The following LNPEP variants were observed in gnomAD, a reference collection of about 807,000 sequenced individuals.
LNPEP encodes the protein leucyl and cystinyl aminopeptidase.
LNPEP carries 64 observed loss-of-function variants against 120.6 expected under a neutral mutation model. The observed-to-expected ratio is 0.53, with a 90% CI of 0.43 to 0.65. LNPEP has a LOEUF of 0.65. LNPEP is among the 30% of genes least tolerant of loss of function. LNPEP has a pLI of 0.00. For missense variants in LNPEP, 1,057 were observed against 1,200.0 expected (o/e 0.88, Z 1.76); for synonymous variants, 435 against 425.4 (o/e 1.02, Z -0.28).
At chr5:97,013,358 G>T (rs962532154) in intron 11 of LNPEP, among the ~76,000 whole-genome samples, 2 of 152,010 alleles carry the variant, frequency 1.3e-5, no homozygotes, top group African/African-American at 4.8e-5. Flanking sequence ...TATTGTACTT[G>T]CCTGTTTACT....
intron 7 of LNPEP, among the ~76,000 whole-genome samples, chr5:96,997,406 A>T (rs957481265): frequency 2.6e-5 from 4 of 152,136 alleles, no homozygotes; most frequent in African/African-American, 9.6e-5. Flanking sequence ...TTCTAAATCC[A>T]TGTATACTAC....
chr5:96,953,270 A>G (rs1227029088), intron 1 of LNPEP, among the ~76,000 whole-genome samples: 4 of 152,252 alleles, frequency 2.6e-5, no homozygotes, highest in African/African-American at 7.2e-5. Context: ...TTTATGAAAG[A>G]GAGCTTGACC....
In LNPEP at chr5:96,951,263, G is replaced by T. The variant is rs112968338; in HGVS notation, c.19+15089G>T. Among the ~76,000 whole-genome samples, 754 of 100,608 alleles carry T rather than the reference G, an allele frequency of 7.5e-3. 10 individuals are homozygous for T. Among genetic ancestry groups the T allele is most frequent in the African/African-American group, 0.019 (704 of 36,252 alleles). The allele number at this position is 100,608 out of a possible 152,430, so 66.0% of individuals were successfully genotyped here. ...GGGTTAGTGCTTTTTTTCTTTTTTT[G>T]GCGGGGGGCGCGGGGGACAGAGTCT... On this transcript the variant is annotated intron_variant, in intron 1 of 17. Coordinates refer to ENST00000231368, the MANE Select transcript of LNPEP (RefSeq NM_005575.3).
Position 97,029,125 on chromosome 5 carries a change from G to A in LNPEP, c.*592G>A, listed in dbSNP as rs1349251824. ...AGTTTAAATAATGTCTGTAACTATT[G>A]TGTTTTTTTCCTGCCGAATAGCCAG... On this transcript the variant is annotated 3_prime_UTR_variant, in exon 18 of 18. Coordinates refer to ENST00000231368, the MANE Select transcript of LNPEP (RefSeq NM_005575.3). The A allele has an allele frequency of 6.6e-6, 1 of 152,202 alleles. No homozygotes were observed. Among genetic ancestry groups the A allele is most frequent in the East Asian group, 1.9e-4 (1 of 5,330 alleles). 9.4% of individuals were successfully genotyped at this position (152,202 alleles called of 1,614,324 possible). A position where few individuals can be genotyped will look rare whatever the true frequency, so the allele number is the denominator to read the frequency against.
intron 1 of LNPEP, among the ~76,000 whole-genome samples, chr5:96,952,106 T>C (rs1347745369): frequency 2.0e-5 from 3 of 152,104 alleles, no homozygotes; most frequent in African/African-American, 7.2e-5. Context: ...ATTTATTTAA[T>C]AACAATAAAC....
intron 1 of LNPEP, among the ~76,000 whole-genome samples, chr5:96,945,789 G>T (rs1019308377): frequency 6.6e-6 from 1 of 152,148 alleles, no homozygotes; most frequent in Admixed American, 6.5e-5. Context: ...GGTCCATTCG[G>T]TCAGTTGAGG....
At chr5:96,984,376 C>T (rs1016254807) in intron 2 of LNPEP, among the ~76,000 whole-genome samples, 1 of 152,178 alleles carries the variant, frequency 6.6e-6, no homozygotes, top group African/African-American at 2.4e-5. Flanking sequence ...TCTTGAGCCT[C>T]AGTAAATTTA....
chr5:97,005,922 T>G (rs916143589), intron 9 of LNPEP, 151 bp from the exon 10 acceptor site: 36 of 215,696 alleles, frequency 1.7e-4, no homozygotes, highest in Non-Finnish European at 1.7e-4. Flanking sequence ...AACTCAACAT[T>G]CATGTTTCTT....
intron 4 of LNPEP, among the ~76,000 whole-genome samples, chr5:96,988,106 C>T (rs1381079162): frequency 6.6e-6 from 1 of 151,750 alleles, no homozygotes; most frequent in African/African-American, 2.4e-5. Flanking sequence ...AAAATGTATG[C>T]AGTCTTGGCA....
At chr5:97,028,253 A>G in intron 17 of LNPEP, 149 bp from the exon 18 acceptor site, 1 of 708,286 alleles carries the variant, frequency 1.4e-6, no homozygotes. Flanking sequence ...AACTCCATGT[A>G]GATACCTTGA....
intron 1 of LNPEP, among the ~76,000 whole-genome samples, chr5:96,939,410 C>T (rs1459378078): frequency 6.6e-6 from 1 of 152,018 alleles, no homozygotes; most frequent in African/African-American, 2.4e-5. Flanking sequence ...AATGAGGTTT[C>T]ACCATGTTGG....
chr5:96,979,745 T>A lies in LNPEP; in HGVS notation c.627T>A (p.Leu209=). 6.2e-7 allele frequency: 1 copy of A among 1,614,070 alleles called. No homozygotes were observed. The highest frequency in any genetic ancestry group is 8.5e-7 in the Non-Finnish European group (1 of 1,179,964). ...TTCAGGTCACATGGAATATCATTCT[T>A]CATAGCACAGGTCATAATATTTCAA... ...QALQVTWNII[L]HSTGHNISRV... Residue 209 remains leucine, a synonymous_variant, in exon 2 of 18, where the codon CTT becomes CTA. Coordinates refer to ENST00000231368, the MANE Select transcript of LNPEP (RefSeq NM_005575.3).
intron 1 of LNPEP, among the ~76,000 whole-genome samples, chr5:96,951,275 G>A (rs1051369929): frequency 1.3e-5 from 2 of 151,166 alleles, no homozygotes; most frequent in Non-Finnish European, 3.0e-5. Context: ...CGGGGGGCGC[G>A]GGGGACAGAG....
intron 1 of LNPEP, among the ~76,000 whole-genome samples, chr5:96,976,851 A>AT (rs1296765252): frequency 3.9e-5 from 6 of 152,148 alleles, no homozygotes; most frequent in Admixed American, 3.9e-4. Context: ...ATTTTAAAAA[A>AT]TTGAATACAG....
chr5:97,007,581 G>A (rs1201327389), intron 11 of LNPEP, among the ~76,000 whole-genome samples: 1 of 152,046 alleles, frequency 6.6e-6, no homozygotes, highest in East Asian at 1.9e-4. Context: ...AAAATGGAGA[G>A]CAAATCTTAT....
chr5:96,962,624 CT>C (rs1445878113), intron 1 of LNPEP: 1 of 147,468 alleles, frequency 6.8e-6, no homozygotes, highest in Non-Finnish European at 1.5e-5. Flanking sequence ...ACCCTTTTTT[CT>C]TTTTCTTTTC....
chr5:97,035,892 T>G lies in LNPEP; in HGVS notation c.*7359T>G, dbSNP rs1452384927. The G allele has an allele frequency of 3.9e-5, 6 of 152,188 alleles. No homozygotes were observed. Among genetic ancestry groups the G allele is most frequent in the Non-Finnish European group, 7.4e-5 (5 of 68,020 alleles). 9.4% of individuals were successfully genotyped at this position (152,188 alleles called of 1,614,324 possible). ...TTAGATCCAGCATTTCTTATGTTGA[T>G]TCAGATTGAATGAGGTAGTGAAAAG... On this transcript the variant is annotated 3_prime_UTR_variant, in exon 18 of 18. Coordinates refer to ENST00000231368, the MANE Select transcript of LNPEP (RefSeq NM_005575.3).
In LNPEP at chr5:96,979,617, A is replaced by G. The variant is rs1437803673; in HGVS notation, c.499A>G (p.Arg167Gly). The G allele has an allele frequency of 6.2e-7, 1 of 1,614,112 alleles. No homozygotes were observed. The highest frequency in any genetic ancestry group is 1.1e-5 in the South Asian group (1 of 91,088). ...NGKLFPWAQI[R>G]LPTAVVPLRY... ...GAAATTGTTTCCATGGGCACAGATC[A>G]GGCTTCCCACTGCCGTTGTGCCACT... The change falls in exon 2 of 18, where the codon AGG becomes GGG. Residue 167 changes from arginine to glycine, a missense_variant. By Grantham distance (125) the Arg-to-Gly change is moderately radical. Coordinates refer to ENST00000231368, the MANE Select transcript of LNPEP (RefSeq NM_005575.3).
At chr5:97,015,206 C>A (rs917247279) in intron 13 of LNPEP, 111 bp downstream of exon 13, 114 of 595,876 alleles carry the variant, frequency 1.9e-4, no homozygotes, top group Non-Finnish European at 2.9e-4. Flanking sequence ...ATTCCATTTT[C>A]TTCACTTTCC....
Sources: gnomAD v4.1 joint callset for allele counts (sites outside exome capture counted in the v4.1 genomes callset) on GRCh38, gnomAD v4.1.1 for gene constraint, MANE v1.5 for transcripts, NCBI Gene and HGNC (gene_info 2026-07-23, HGNC 2026-07-21) for gene names.